The following ZNF418 variants were observed in gnomAD, a reference collection of about 807,000 sequenced individuals.
ZNF418 encodes zinc finger protein 418.
In ZNF418, 32 loss-of-function variants were observed where a neutral mutation model predicts 32.0. That is an observed-to-expected ratio of 1.00 (90% CI 0.75 to 1.34). The LOEUF (loss-of-function observed/expected upper bound fraction) is 1.34. ZNF418 is among the 40% of genes most tolerant of loss of function. ZNF418 has a pLI of 0.00. For missense variants in ZNF418, 804 were observed against 812.5 expected (o/e 0.99, Z 0.13); for synonymous variants, 276 against 270.7 (o/e 1.02, Z -0.19).
intron 1 of ZNF418, among the ~76,000 whole-genome samples, chr19:57,934,523 T>G (rs2072616184): frequency 6.6e-6 from 1 of 152,162 alleles, no homozygotes. Flanking sequence ...ACCCCCTCAG[T>G]GGGTTCTTTA....
At chr19:57,932,343 T>C (rs193204436) in intron 2 of ZNF418, 10 of 1,267,578 alleles carry the variant, frequency 7.9e-6, no homozygotes, top group African/African-American at 1.5e-5. Flanking sequence ...GCACATCACA[T>C]TGGCCTTTCA....
Position 57,926,455 on chromosome 19 carries a change from A to G in ZNF418, c.1726T>C (p.Ser576Pro), listed in dbSNP as rs1424775407. 2 of 1,613,816 alleles carry G rather than the reference A, an allele frequency of 1.2e-6. No individual in the cohort carries two copies. Among genetic ancestry groups the G allele is most frequent in the Admixed American group, 3.3e-5 (2 of 59,972 alleles). ...YECRECGKFF[S>P]SLLEHRRVHT... is the part of the protein sequence containing the mutation. ...ACTCTCCTGTGTTCAAGGAGACTGG[A>G]GAAGAATTTCCCACATTCTCTGCAC... The change falls in exon 4 of 6, where the codon TCC (serine) becomes CCC (proline). Residue 576 changes from serine (S) to proline (P), a missense_variant. Ser to Pro is a moderately conservative substitution (Grantham distance 74). Coordinates refer to ENST00000396147, the MANE Select transcript of ZNF418 (RefSeq NM_133460.3).
At chr19:57,934,434 T>A (rs1359557245) in intron 1 of ZNF418, among the ~76,000 whole-genome samples, 1 of 152,200 alleles carries the variant, frequency 6.6e-6, no homozygotes, top group Non-Finnish European at 1.5e-5. Flanking sequence ...CAGGCTGGTC[T>A]CGAACTCCCG....
chr19:57,927,454 C>T lies in ZNF418; in HGVS notation c.727G>A (p.Asp243Asn). The change falls in exon 4 of 6, where the codon GAT becomes AAT. Residue 243 changes from aspartate to asparagine, a missense_variant. By Grantham distance (23) the Asp-to-Asn change is conservative. Transcript: ENST00000396147. Reference protein sequence around the residue: ...WECGKSFSKYDSVSNHQRVHT... With the variant: ...WECGKSFSKYNSVSNHQRVHT... ...ACTCTCTGATGATTACTGACGCTATCATATTTGCTAAAGGATTTCCCACAT... is the reference window on the plus strand; with the variant it reads ...ACTCTCTGATGATTACTGACGCTATTATATTTGCTAAAGGATTTCCCACAT... The T allele has an allele frequency of 6.2e-7, 1 of 1,614,230 alleles. No individual in the cohort carries two copies. The highest frequency in any genetic ancestry group is 8.5e-7 in the Non-Finnish European group (1 of 1,180,046).
intron 2 of ZNF418, among the ~76,000 whole-genome samples, chr19:57,931,421 C>CA (rs2072483284): frequency 6.6e-6 from 1 of 152,036 alleles, no homozygotes; most frequent in Admixed American, 6.6e-5. Flanking sequence ...AGGCTGGTCT[C>CA]AAACTCCTGA....
At chr19:57,922,724 G>A (rs2072038811) in intron 5 of ZNF418, 95 bp from the exon 6 acceptor site, 2 of 395,594 alleles carry the variant, frequency 5.1e-6, no homozygotes, top group Admixed American at 8.8e-5. Flanking sequence ...AGCATGCCAG[G>A]CACAGTGGCT....
intron 2 of ZNF418, among the ~76,000 whole-genome samples, chr19:57,931,161 G>A (rs2072472026): frequency 1.3e-5 from 2 of 152,292 alleles, no homozygotes; most frequent in South Asian, 4.1e-4. Context: ...GCCCAGTGCA[G>A]TTGCCTGGGT....
At chr19:57,928,734 C>T (rs1294388801) in intron 3 of ZNF418, among the ~76,000 whole-genome samples, 4 of 152,094 alleles carry the variant, frequency 2.6e-5, no homozygotes, top group Non-Finnish European at 1.5e-5. Context: ...TGGCTCACAC[C>T]TGTAATCCCA....
chr19:57,925,366 CAGG>C (rs1174957896), intron 4 of ZNF418, among the ~76,000 whole-genome samples: 1 of 151,626 alleles, frequency 6.6e-6, no homozygotes, highest in Non-Finnish European at 1.5e-5. Context: ...GAGGCTGAGG[CAGG>C]AGAATGGCGT....
chr19:57,929,267 G>A (rs1169121728), intron 3 of ZNF418, among the ~76,000 whole-genome samples: 1 of 152,174 alleles, frequency 6.6e-6, no homozygotes, highest in Non-Finnish European at 1.5e-5. Context: ...AATAGAATAG[G>A]TTTCTGATAC....
intron 5 of ZNF418, 124 bp from the exon 6 acceptor site, chr19:57,922,753 T>A (rs1377616204): frequency 1.0e-5 from 4 of 390,104 alleles, no homozygotes; most frequent in Non-Finnish European, 1.8e-5. Context: ...AATCTTAGCA[T>A]TTTGAGAGGC....
rs972495023 is a variant in ZNF418 at position 57,927,003 on chromosome 19, G to A, written c.1178C>T (p.Thr393Ile). The A allele has an allele frequency of 5.6e-6, 9 of 1,614,036 alleles. No homozygotes were observed. The highest frequency in any genetic ancestry group is 7.6e-6 in the Non-Finnish European group (9 of 1,180,054). Reference sequence around the variant, plus strand: ...TCCACACTCATAAGGTCGTTCTCTAGTGTGAACTCGATGATGTTCAGTTAG... The same window carrying A: ...TCCACACTCATAAGGTCGTTCTCTAATGTGAACTCGATGATGTTCAGTTAG... ...GTLTEHHRVHTRERPYECGEC... is the reference protein window; with the variant it reads ...GTLTEHHRVHIRERPYECGEC... The change falls in exon 4 of 6, where the codon ACT becomes ATT. Residue 393 changes from threonine to isoleucine, a missense_variant. Physicochemically the swap from Thr to Ile is moderately conservative, Grantham distance 89 (BLOSUM62 -1). This residue lies in a region of ZNF418 where 475 missense variants were observed against 458.6 expected (regional missense o/e 1.04). Transcript: ENST00000396147.
At chr19:57,929,474 C>T (rs2072390708) in intron 3 of ZNF418, among the ~76,000 whole-genome samples, 1 of 152,268 alleles carries the variant, frequency 6.6e-6, no homozygotes, top group East Asian at 1.9e-4. Context: ...TAGGGCAGAA[C>T]TGGGGCAACT....
At chr19:57,932,848 G>A (rs2072537481) in intron 2 of ZNF418, among the ~76,000 whole-genome samples, 1 of 151,986 alleles carries the variant, frequency 6.6e-6, no homozygotes, top group Non-Finnish European at 1.5e-5. Flanking sequence ...ACCAGCCTTG[G>A]CCCAAGTGTC....
chr19:57,930,522 G>C lies in ZNF418; in HGVS notation c.39C>G (p.Asn13Lys). The change falls in exon 3 of 6, where the codon AAC (asparagine) becomes AAG (lysine). Residue 13 changes from asparagine (N) to lysine (K), a missense_variant. Coordinates refer to ENST00000396147, the MANE Select transcript of ZNF418 (RefSeq NM_133460.3). ...GTVAFEDVAVNFSQEEWSLLS... is the reference protein window; with the variant it reads ...GTVAFEDVAVKFSQEEWSLLS... Reference sequence around the variant, plus strand: ...GGAGACTCCACTCCTCCTGGGAAAAGTTCACAGCCACATCTTCAAATGCCA... The same window carrying C: ...GGAGACTCCACTCCTCCTGGGAAAACTTCACAGCCACATCTTCAAATGCCA... 1 of 1,614,078 alleles carries C rather than the reference G, an allele frequency of 6.2e-7. No homozygotes were observed. Among genetic ancestry groups the C allele is most frequent in the Non-Finnish European group, 8.5e-7 (1 of 1,180,016 alleles).
chr19:57,931,063 C>T (rs1015980632), intron 2 of ZNF418, among the ~76,000 whole-genome samples: 1 of 152,188 alleles, frequency 6.6e-6, no homozygotes, highest in African/African-American at 2.4e-5. Context: ...GCGTGAGCCA[C>T]CGTGCCCGGC....
intron 2 of ZNF418, 114 bp downstream of exon 2, chr19:57,933,703 A>G (rs1383374342): frequency 3.0e-6 from 4 of 1,348,430 alleles, no homozygotes; most frequent in African/African-American, 2.9e-5. Flanking sequence ...CCTGGGCGAT[A>G]GAGCGAGACT....
chr19:57,928,085 C>G, intron 3 of ZNF418, 38 bp from the exon 4 acceptor site: 1 of 1,501,088 alleles, frequency 6.7e-7, no homozygotes, highest in Non-Finnish European at 8.9e-7. Context: ...CAAGTTAACT[C>G]TGGTGGGAAG....
rs984784655 is a variant in ZNF418, at chr19:57,935,386, A to G, written c.-306T>C. On this transcript the variant is annotated 5_prime_UTR_variant, in exon 1 of 6. Coordinates refer to ENST00000396147, the MANE Select transcript of ZNF418 (RefSeq NM_133460.3). ...CATTAACCAAAATGGTCGCTACCAG[A>G]GAACGCTGAGAATCCCGCCACTACG... 3.1e-5 allele frequency: 7 copies of G among 226,770 alleles called. No individual in the cohort carries two copies. Among genetic ancestry groups the G allele is most frequent in the African/African-American group, 1.6e-4 (7 of 42,930 alleles). The allele number at this position is 226,770 out of a possible 1,614,324, so 14.0% of individuals were successfully genotyped here.
Sources: allele counts gnomAD v4.1 joint callset (sites outside exome capture counted in the v4.1 genomes callset), GRCh38; gene constraint gnomAD v4.1.1; regional missense constraint gnomAD v4.1.1; transcripts MANE v1.5; gene names NCBI Gene and HGNC (gene_info 2026-07-23, HGNC 2026-07-21).